TTC7A: variants seen among roughly 807,000 people sequenced by gnomAD.
TTC7A encodes the protein tetratricopeptide repeat domain 7A, also known as tetratricopeptide repeat protein 7A.
Under a neutral mutation model 103.7 loss-of-function variants are expected in TTC7A, and 110 were observed. The ratio of observed to expected loss-of-function variants is 1.06; its 90% CI spans 0.91 to 1.24. TTC7A has a LOEUF of 1.24. Among genes scored for constraint, TTC7A ranks in the 50% most tolerant of loss-of-function variants. The pLI is 0.00. For synonymous variants in TTC7A, 521 were observed against 467.9 expected (o/e 1.11, Z -1.47); for missense variants, 1,340 against 1,116.3 (o/e 1.20, Z -2.86).
At chr2:46,955,625 G>A (rs1036295) in intron 2 of TTC7A, among the ~76,000 whole-genome samples, 103,691 of 152,056 alleles carry the variant, frequency 0.68, 35,503 homozygotes, top group African/African-American at 0.72. Flanking sequence ...GATTTACAAA[G>A]GCCAGAAGGA....
chr2:46,981,299 C>T (rs189996108), intron 5 of TTC7A, among the ~76,000 whole-genome samples: 273 of 152,176 alleles, frequency 1.8e-3, no homozygotes, highest in African/African-American at 6.0e-3. Context: ...TTGCTCTTTC[C>T]ACCCAGGCTT....
intron 14 of TTC7A, among the ~76,000 whole-genome samples, chr2:47,024,936 C>T (rs567122734): frequency 3.3e-5 from 5 of 152,234 alleles, no homozygotes; most frequent in East Asian, 1.9e-4. Context: ...CTCCCCACCT[C>T]AGGTCCTTCA....
intron 14 of TTC7A, among the ~76,000 whole-genome samples, chr2:47,024,957 TA>T (rs1679725769): frequency 6.6e-6 from 1 of 152,174 alleles, no homozygotes; most frequent in Non-Finnish European, 1.5e-5. Context: ...GAGCCTCCTT[TA>T]CTTTCCTGTG....
chr2:47,027,877 T>C (rs891083967), intron 14 of TTC7A, among the ~76,000 whole-genome samples: 30 of 152,194 alleles, frequency 2.0e-4, no homozygotes, highest in Admixed American at 7.2e-4. Flanking sequence ...GCAGCCTCTT[T>C]TGAAGAAGAG....
At chr2:46,985,299 T>C (rs1440738474) in intron 5 of TTC7A, among the ~76,000 whole-genome samples, 9 of 151,998 alleles carry the variant, frequency 5.9e-5, no homozygotes, top group Non-Finnish European at 1.2e-4. Context: ...AATTGAGTCA[T>C]CATTTCTTTT....
intron 15 of TTC7A, among the ~76,000 whole-genome samples, chr2:47,035,028 G>A (rs181824870): frequency 2.0e-5 from 3 of 152,358 alleles, no homozygotes; most frequent in African/African-American, 7.2e-5. Context: ...CTTCAGCTAA[G>A]GCTAACGTTG....
chr2:47,058,733 C>G (rs181048868), intron 18 of TTC7A, among the ~76,000 whole-genome samples: 11 of 152,338 alleles, frequency 7.2e-5, no homozygotes, highest in African/African-American at 2.4e-4. Context: ...GCTGAGTGCC[C>G]AGTGAGGCCG....
intron 5 of TTC7A, among the ~76,000 whole-genome samples, chr2:46,988,523 A>G (rs7607346): frequency 0.12 from 18,712 of 152,224 alleles, 1,571 homozygotes; most frequent in African/African-American, 0.24. Context: ...ATGCACTAGT[A>G]TCTGTTTAGG....
chr2:46,975,174 C>G, intron 4 of TTC7A, 71 bp downstream of exon 4: 1 of 1,581,972 alleles, frequency 6.3e-7, no homozygotes, highest in African/African-American at 1.3e-5. Flanking sequence ...TCCCACTAAA[C>G]CCATAGGTCA....
At chr2:47,067,420 G>C (rs944984204) in intron 19 of TTC7A, among the ~76,000 whole-genome samples, 1 of 152,246 alleles carries the variant, frequency 6.6e-6, no homozygotes, top group African/African-American at 2.4e-5. Flanking sequence ...ACCATTCTTA[G>C]TGTGGGATGA....
chr2:46,936,021 T>G (rs1669958823), intron 2 of TTC7A, among the ~76,000 whole-genome samples: 1 of 151,860 alleles, frequency 6.6e-6, no homozygotes, highest in African/African-American at 2.4e-5. Context: ...AGCCCAGGAG[T>G]TCAAGGCTGC....
At chr2:47,072,492 C>T (rs1157098105) in intron 19 of TTC7A, among the ~76,000 whole-genome samples, 1 of 152,242 alleles carries the variant, frequency 6.6e-6, no homozygotes, top group African/African-American at 2.4e-5. Context: ...ACCAGGCATG[C>T]GCATCTTCCC....
chr2:47,021,652 C>G (rs112336794), intron 11 of TTC7A, among the ~76,000 whole-genome samples: 24 of 152,218 alleles, frequency 1.6e-4, no homozygotes, highest in African/African-American at 5.6e-4. Context: ...AGGAGCTGGC[C>G]CAAACTGGCC....
At chr2:47,019,375 A>T (rs4953444) in intron 11 of TTC7A, among the ~76,000 whole-genome samples, 93,024 of 149,744 alleles carry the variant, frequency 0.62, 28,813 homozygotes, top group East Asian at 0.78. Context: ...TTCTATTTTT[A>T]AAAAAAAAAA....
chr2:46,964,284 G>T (rs180714161), intron 3 of TTC7A, among the ~76,000 whole-genome samples: 2 of 152,174 alleles, frequency 1.3e-5, no homozygotes, highest in African/African-American at 2.4e-5. Flanking sequence ...GGGAAGCCCC[G>T]GGGGAAACAA....
chr2:46,917,286 C>G (rs748051187), intron 2 of TTC7A: 19 of 670,214 alleles, frequency 2.8e-5, no homozygotes, highest in Non-Finnish European at 4.8e-5. Flanking sequence ...GGGTGAGCCA[C>G]CGCGCCGGGA....
At position 46,994,309 on chromosome 2, in the gene TTC7A, G is replaced by T. The variant is rs191376516; in HGVS notation, c.844-48G>T. 16 of 1,582,266 alleles carry T rather than the reference G, an allele frequency of 1.0e-5. No individual in the cohort carries two copies. The African/African-American group carries it at 1.9e-4, about 19-fold the overall frequency. ...AGAGGGCGTTCTAGGTCATGCTGGG[G>T]TAGAGCTGACAACTGTGCCTGGGTC... On this transcript the variant is annotated intron_variant, in intron 6 of 19. Transcript: ENST00000319190.
chr2:47,040,884 G>A (rs1240204409), intron 15 of TTC7A, among the ~76,000 whole-genome samples: 1 of 152,232 alleles, frequency 6.6e-6, no homozygotes, highest in Non-Finnish European at 1.5e-5. Flanking sequence ...GGGCCAGTGT[G>A]TATTCACTTT....
chr2:46,995,912 G>A (rs1676131898), intron 8 of TTC7A, among the ~76,000 whole-genome samples: 1 of 152,256 alleles, frequency 6.6e-6, no homozygotes, highest in African/African-American at 2.4e-5. Flanking sequence ...ACGCGTGAAT[G>A]CTATGGGAAA....
Sources: allele counts gnomAD v4.1 joint callset (sites outside exome capture counted in the v4.1 genomes callset), GRCh38; gene constraint gnomAD v4.1.1; transcripts MANE v1.5; gene names NCBI Gene and HGNC (gene_info 2026-07-23, HGNC 2026-07-21).